SLC14A1: variants seen among roughly 807,000 people sequenced by gnomAD.
SLC14A1 encodes urea transporter 1.
In SLC14A1, 36 loss-of-function variants were observed where a neutral mutation model predicts 39.6. The observed-to-expected ratio is 0.91, with a 90% CI of 0.70 to 1.20. The LOEUF (loss-of-function observed/expected upper bound fraction) is 1.20, where lower values mean the gene tolerates loss of function less well. Ranked by LOEUF, SLC14A1 falls within the 50% of genes most tolerant of loss-of-function variation. SLC14A1 has a pLI of 0.00. For missense variants in SLC14A1, 469 were observed against 478.7 expected (o/e 0.98, Z 0.19); for synonymous variants, 164 against 173.6 (o/e 0.94, Z 0.43).
intron 2 of SLC14A1, chr18:45,727,051 AG>A (rs2046883540): frequency 7.7e-6 from 4 of 520,812 alleles, no homozygotes; most frequent in African/African-American, 7.6e-5. Context: ...TTCCATAGTC[AG>A]CTGCTGTCTT....
chr18:45,727,686 C>G (rs2046913294), intron 2 of SLC14A1, among the ~76,000 whole-genome samples: 1 of 152,168 alleles, frequency 6.6e-6, no homozygotes, highest in African/African-American at 2.4e-5. Flanking sequence ...ATTAGAGTGC[C>G]TTTTACTTAT....
chr18:45,737,483 C>T (rs2047231354), intron 6 of SLC14A1: 1 of 152,190 alleles, frequency 6.6e-6, no homozygotes. Flanking sequence ...ATGTGCTCTC[C>T]CACTGTCAGG....
intron 2 of SLC14A1, chr18:45,727,521 T>G (rs751990296): frequency 4.5e-6 from 6 of 1,345,592 alleles, no homozygotes; most frequent in Admixed American, 5.1e-5. Flanking sequence ...GGGTTGGCTG[T>G]GAGCTAAGCC....
chr18:45,733,325 A>C (rs1266357746), intron 4 of SLC14A1, among the ~76,000 whole-genome samples: 1 of 152,232 alleles, frequency 6.6e-6, no homozygotes, highest in Non-Finnish European at 1.5e-5. Flanking sequence ...GGTGCTCAAC[A>C]TGCACATAAT....
At chr18:45,731,676 G>C in intron 4 of SLC14A1, 1 of 217,900 alleles carries the variant, frequency 4.6e-6, no homozygotes, top group Non-Finnish European at 9.3e-6. Flanking sequence ...GAATAACCAT[G>C]AATTCCAATT....
intron 6 of SLC14A1, among the ~76,000 whole-genome samples, chr18:45,738,109 G>A (rs938058959): frequency 6.6e-6 from 1 of 152,218 alleles, no homozygotes; most frequent in Non-Finnish European, 1.5e-5. Context: ...CCATCTTAGG[G>A]TAGAGTCAAA....
Position 45,750,995 on chromosome 18 carries a change from T to G in SLC14A1, c.*1044T>G, listed in dbSNP as rs925927667. The G allele has an allele frequency of 5.1e-6, 5 of 985,192 alleles. No individual in the cohort carries two copies. In the African/African-American group the frequency reaches 8.7e-5, roughly 17 times the overall value. The allele number at this position is 985,192 out of a possible 1,614,324, so 61.0% of individuals were successfully genotyped here. The stretch of plus-strand genomic sequence containing the variant: ...TAATTTAAAAAAGCTCATTATTTTT[T>G]GCACACTCACAATATTCTCTCTCAG... On this transcript the variant is annotated 3_prime_UTR_variant, in exon 10 of 10. Coordinates refer to ENST00000321925, the MANE Select transcript of SLC14A1 (RefSeq NM_015865.7).
At chr18:45,732,294 G>T (rs1358194797) in intron 4 of SLC14A1, among the ~76,000 whole-genome samples, 1 of 152,158 alleles carries the variant, frequency 6.6e-6, no homozygotes, top group African/African-American at 2.4e-5. Context: ...GTCTTCCTGT[G>T]GCTTTAACTA....
chr18:45,726,197 C>T (rs1313039852), intron 2 of SLC14A1, among the ~76,000 whole-genome samples: 2 of 152,204 alleles, frequency 1.3e-5, no homozygotes, highest in Admixed American at 1.3e-4. Context: ...TGCATGCACA[C>T]ACACAATTTT....
In SLC14A1 at chr18:45,752,121, G is replaced by A; in HGVS notation, c.*2170G>A. ...AATTTGCAACTGTCATAGGTTTATG[G>A]ATATTGCTGTGGAGAAGCTCAATTT... On this transcript the variant is annotated 3_prime_UTR_variant, in exon 10 of 10. Coordinates refer to ENST00000321925, the MANE Select transcript of SLC14A1 (RefSeq NM_015865.7). 1 of 985,426 alleles carries A rather than the reference G, an allele frequency of 1.0e-6. No individual in the cohort carries two copies. Among genetic ancestry groups the A allele is most frequent in the African/African-American group, 1.7e-5 (1 of 57,354 alleles). 61.0% of individuals were successfully genotyped at this position (985,426 alleles called of 1,614,324 possible).
rs775752379 is a variant in SLC14A1, at chr18:45,734,308, G to A, written c.376G>A (p.Ala126Thr). Residue 126 changes from alanine (A) to threonine (T), a missense_variant, in exon 5 of 10, where the codon GCC becomes ACC. Ala to Thr is a moderately conservative substitution (Grantham distance 58). Transcript: ENST00000321925. ...AGCATCTGGGCTCTATGGCTACAATGCCACCCTGGTGGGAGTACTCATGGC... is the reference window on the plus strand; with the variant it reads ...AGCATCTGGGCTCTATGGCTACAATACCACCCTGGTGGGAGTACTCATGGC... ...LIASGLYGYN[A>T]TLVGVLMAVF... 7 of 1,613,954 alleles carry A rather than the reference G, an allele frequency of 4.3e-6. No individual in the cohort carries two copies. In the South Asian group the frequency reaches 6.6e-5, roughly 15 times the overall value.
intron 6 of SLC14A1, chr18:45,737,409 T>C (rs1215356286): frequency 1.3e-5 from 2 of 152,322 alleles, no homozygotes; most frequent in Non-Finnish European, 2.9e-5. Context: ...TTAAGGTTTC[T>C]GGATTATCAA....
chr18:45,724,385 C>T (rs893477134), intron 1 of SLC14A1, 112 bp downstream of exon 1: 2 of 152,120 alleles, frequency 1.3e-5, no homozygotes, highest in South Asian at 2.1e-4. Context: ...TTTATATCAC[C>T]GGAATTGATC....
At chr18:45,748,453 T>A in intron 9 of SLC14A1, 28 bp downstream of exon 9, 3 of 1,611,964 alleles carry the variant, frequency 1.9e-6, no homozygotes, top group Non-Finnish European at 2.5e-6. Flanking sequence ...TCACTTTTCA[T>A]TAGCGTAATT....
At chr18:45,731,263 T>C in intron 4 of SLC14A1, 59 bp downstream of exon 4, 1 of 1,489,816 alleles carries the variant, frequency 6.7e-7, no homozygotes, top group Non-Finnish European at 9.4e-7. Flanking sequence ...GCTGACCAGT[T>C]ACTGTGGGCA....
chr18:45,736,732 G>A (rs2047208742), intron 6 of SLC14A1, 84 bp downstream of exon 6: 1 of 1,189,268 alleles, frequency 8.4e-7, no homozygotes, highest in African/African-American at 1.5e-5. Context: ...GGGTGTCAGA[G>A]TCTCCTAGAT....
At chr18:45,742,356 T>TG (rs1344880751) in intron 8 of SLC14A1, among the ~76,000 whole-genome samples, 158 of 144,450 alleles carry the variant, frequency 1.1e-3, no homozygotes, top group African/African-American at 3.9e-3. Flanking sequence ...TTTTTTGGTT[T>TG]TTTTTTTTTT....
chr18:45,740,293 T>C (rs1482683912), intron 8 of SLC14A1, among the ~76,000 whole-genome samples: 1 of 152,172 alleles, frequency 6.6e-6, no homozygotes, highest in African/African-American at 2.4e-5. Context: ...ATTTACCCCT[T>C]TGAGTGAGCA....
rs2047672179 is a variant in SLC14A1, at chr18:45,750,262, A to T, written c.*311A>T. The T allele has an allele frequency of 7.8e-7, 1 of 1,283,240 alleles. No homozygotes were observed. Among genetic ancestry groups the T allele is most frequent in the Admixed American group, 3.5e-5 (1 of 28,254 alleles). The allele number at this position is 1,283,240 out of a possible 1,614,324, so 79.5% of individuals were successfully genotyped here. A position where few individuals can be genotyped will look rare whatever the true frequency, so the allele number is the denominator to read the frequency against. On this transcript the variant is annotated 3_prime_UTR_variant, in exon 10 of 10. Coordinates refer to ENST00000321925, the MANE Select transcript of SLC14A1 (RefSeq NM_015865.7). ...AAGGAGGAAGTGAAAACAAACTATT[A>T]GTATTTATTGATATTCTTGGTGTTT...
Sources: allele counts gnomAD v4.1 joint callset (sites outside exome capture counted in the v4.1 genomes callset), GRCh38; gene constraint gnomAD v4.1.1; transcripts MANE v1.5; gene names NCBI Gene and HGNC (gene_info 2026-07-23, HGNC 2026-07-21).